The following ZNF674 variants were observed in gnomAD, a reference collection of about 807,000 sequenced individuals.
ZNF674 encodes the protein zinc finger family member 674.
Under a neutral mutation model 7.0 loss-of-function variants are expected in ZNF674, and 2 were observed. That is an observed-to-expected ratio of 0.29 (90% CI 0.12 to 0.90). The LOEUF (loss-of-function observed/expected upper bound fraction) is 0.90. Ranked by LOEUF, ZNF674 falls within the 40% of genes least tolerant of loss-of-function variation. The pLI is 0.57. For synonymous variants in ZNF674, 103 were observed against 145.2 expected, an observed-to-expected ratio of 0.71 and a Z score of 2.09; for missense variants, 297 against 415.5, an observed-to-expected ratio of 0.71 and a Z score of 2.48.
chrX:46,504,505 G>A (rs1941491928), intron 5 of ZNF674, among the ~76,000 whole-genome samples: 3 of 110,319 alleles, frequency 2.7e-5, no homozygotes, highest in African/African-American at 9.9e-5. Context: ...ACCACGCCTG[G>A]CTAATTTTTG....
At chrX:46,513,243 C>T (rs1602057927) in intron 5 of ZNF674, among the ~76,000 whole-genome samples, 1 of 109,201 alleles carries the variant, frequency 9.2e-6, no homozygotes, top group Admixed American at 9.8e-5. Flanking sequence ...AGCCTGGCAA[C>T]GAGTGAGACT....
intron 3 of ZNF674, among the ~76,000 whole-genome samples, chrX:46,530,365 A>G (rs1404218657): frequency 8.1e-5 from 9 of 110,557 alleles, no homozygotes; most frequent in Non-Finnish European, 1.7e-4. Context: ...ACAAAACCAC[A>G]CTGCGGAGTG....
chrX:46,513,806 C>T (rs929457064), intron 5 of ZNF674, among the ~76,000 whole-genome samples: 6 of 111,733 alleles, frequency 5.4e-5, no homozygotes, highest in Admixed American at 1.9e-4. Context: ...TGGCTCACAT[C>T]TGTCATCCCA....
chrX:46,541,812 C>T (rs1455922862), intron 3 of ZNF674, among the ~76,000 whole-genome samples: 1 of 111,620 alleles, frequency 9.0e-6, no homozygotes, highest in Middle Eastern at 4.2e-3. Context: ...CAAGGTGAAT[C>T]TATGTATTTA....
intron 3 of ZNF674, among the ~76,000 whole-genome samples, chrX:46,540,419 T>C (rs1038019409): frequency 8.9e-5 from 10 of 112,122 alleles, no homozygotes; most frequent in Non-Finnish European, 1.9e-4. Context: ...AAATGTTCAA[T>C]TTTTTAATGC....
Position 46,500,123 on chromosome X carries a change from C to A in ZNF674, c.1451G>T (p.Arg484Ile), listed in dbSNP as rs1386239224. ...SEKSPLIKHQ[R>I]IHTGERPYEC... ...ATAGGGTCTCTCTCCTGTATGAATT[C>A]TCTGATGTTTAATCAGTGGTGACTT... is the stretch of plus-strand genomic sequence containing the variant. The change falls in exon 6 of 6, where the codon AGA becomes ATA. Residue 484 changes from arginine (R) to isoleucine (I), a missense_variant. By Grantham distance (97) the Arg-to-Ile change is moderately conservative (BLOSUM62 -3). Coordinates refer to ENST00000683375, the MANE Select transcript of ZNF674 (RefSeq NM_001190417.2). 8.3e-7 allele frequency: 1 copy of A among 1,212,079 alleles called. No individual in the cohort carries two copies. The highest frequency in any genetic ancestry group is 1.1e-6 in the Non-Finnish European group (1 of 895,609).
Position 46,543,201 on chromosome X carries a change from G to A in ZNF674, c.-29-1085C>T, listed in dbSNP as rs756075656. ...ACTCCTGACCTCAGGTGATCCATCCGCCTCAGCCTCCCAAAGTGCTGGGAT... is the reference window on the plus strand; with the variant it reads ...ACTCCTGACCTCAGGTGATCCATCCACCTCAGCCTCCCAAAGTGCTGGGAT... On this transcript the variant is annotated intron_variant, in intron 2 of 5. Transcript: ENST00000683375. 3.8e-3 allele frequency among the ~76,000 whole-genome samples: 421 copies of A among 111,401 alleles called. 3 individuals carry two copies. Among genetic ancestry groups the A allele is most frequent in the Non-Finnish European group, 5.5e-3 (290 of 53,016 alleles).
intron 5 of ZNF674, among the ~76,000 whole-genome samples, chrX:46,524,869 G>A (rs867582740): frequency 4.6e-5 from 5 of 109,390 alleles, no homozygotes; most frequent in Non-Finnish European, 9.5e-5. Context: ...AAATAGCTGG[G>A]CATGGTGGTA....
intron 2 of ZNF674, among the ~76,000 whole-genome samples, chrX:46,543,558 T>C (rs1354649347): frequency 9.0e-6 from 1 of 110,624 alleles, no homozygotes; most frequent in Non-Finnish European, 1.9e-5. Flanking sequence ...TGTGAGGGGC[T>C]GAAAACCACT....
intron 5 of ZNF674, among the ~76,000 whole-genome samples, chrX:46,520,901 T>G (rs1052614491): frequency 1.8e-5 from 2 of 111,434 alleles, no homozygotes; most frequent in African/African-American, 3.3e-5. Context: ...GAAAAGACAA[T>G]CTAGACTGGG....
chrX:46,542,343 A>G (rs1484766810), intron 2 of ZNF674, among the ~76,000 whole-genome samples: 3 of 112,141 alleles, frequency 2.7e-5, no homozygotes, highest in African/African-American at 9.7e-5. Context: ...AGCCATCTAC[A>G]TGTCAGAAAC....
At chrX:46,536,873 G>T (rs1374838210) in intron 3 of ZNF674, among the ~76,000 whole-genome samples, 1 of 112,685 alleles carries the variant, frequency 8.9e-6, no homozygotes, top group Non-Finnish European at 1.9e-5. Context: ...CATTGCTTAT[G>T]AGAAAAATGA....
intron 5 of ZNF674, among the ~76,000 whole-genome samples, chrX:46,504,776 G>A (rs1226331000): frequency 9.0e-6 from 1 of 111,677 alleles, no homozygotes; most frequent in Non-Finnish European, 1.9e-5. Flanking sequence ...TCATGATACT[G>A]TTTACCTGGG....
Position 46,528,922 on chromosome X carries a change from A to G in ZNF674, c.16-13T>C. On this transcript the variant is annotated splice_polypyrimidine_tract_variant and intron_variant, in intron 3 of 5. Transcript: ENST00000683375. ...AGGTCAATGATTCCTGTAACGGCAC[A>G]TTCCTCTTTAGCACCCCAGGACCAG... 8.3e-7 allele frequency: 1 copy of G among 1,211,630 alleles called. No homozygotes were observed. Among genetic ancestry groups the G allele is most frequent in the Non-Finnish European group, 1.1e-6 (1 of 895,450 alleles).
intron 5 of ZNF674, among the ~76,000 whole-genome samples, chrX:46,503,557 T>C (rs769171175): frequency 1.8e-5 from 2 of 111,983 alleles, no homozygotes; most frequent in Admixed American, 9.6e-5. Context: ...CCATATCAAA[T>C]TGCATTTTAA....
In ZNF674 at chrX:46,500,422, T is replaced by G; in HGVS notation, c.1152A>C (p.Lys384Asn). ...HTKENIYECS[K>N]CGKSFRGKSH... is the part of the protein sequence containing the mutation. ...ACTTTCCTCTGAAGCTTTTCCCACA[T>G]TTACTACACTCATAAATGTTCTCTT... The change falls in exon 6 of 6, where the codon AAA (lysine) becomes AAC (asparagine). Residue 384 changes from lysine to asparagine, a missense_variant. Lys to Asn is a moderately conservative substitution (Grantham distance 94). Transcript: ENST00000683375. 3.3e-6 allele frequency: 4 copies of G among 1,211,207 alleles called. No individual in the cohort carries two copies. Among genetic ancestry groups the G allele is most frequent in the Non-Finnish European group, 4.5e-6 (4 of 894,845 alleles).
At chrX:46,527,076 C>G (rs1893729333) in intron 5 of ZNF674, among the ~76,000 whole-genome samples, 1 of 110,752 alleles carries the variant, frequency 9.0e-6, no homozygotes, top group Non-Finnish European at 1.9e-5. Flanking sequence ...CCAGCCTGGC[C>G]AACATGGCAA....
intron 3 of ZNF674, among the ~76,000 whole-genome samples, chrX:46,538,924 C>T (rs1282258330): frequency 9.0e-6 from 1 of 111,278 alleles, no homozygotes; most frequent in African/African-American, 3.3e-5. Flanking sequence ...ATGGCTCCCA[C>T]CTGTAATCCC....
At chrX:46,508,305 C>T (rs1048237488) in intron 5 of ZNF674, among the ~76,000 whole-genome samples, 8 of 111,049 alleles carry the variant, frequency 7.2e-5, no homozygotes, top group African/African-American at 2.6e-4. Context: ...TCAAAAATTA[C>T]AAGAAGGAAA....
Sources: gnomAD v4.1 joint callset for allele counts (sites outside exome capture counted in the v4.1 genomes callset) on GRCh38, gnomAD v4.1.1 for gene constraint, MANE v1.5 for transcripts, NCBI Gene and HGNC (gene_info 2026-07-23, HGNC 2026-07-21) for gene names.